HERPUD2: variants seen among roughly 807,000 people sequenced by gnomAD.
HERPUD2 encodes HERPUD family member 2, also known as homocysteine-responsive endoplasmic reticulum-resident ubiquitin-like domain member 2 protein.
Under a neutral mutation model 49.9 loss-of-function variants are expected in HERPUD2, and 13 were observed. The observed-to-expected ratio is 0.26, with a 90% CI of 0.17 to 0.41. The LOEUF (loss-of-function observed/expected upper bound fraction) is 0.41. Ranked by LOEUF, HERPUD2 falls within the 10% of genes least tolerant of loss-of-function variation. HERPUD2 has a pLI of 1.00. For missense variants in HERPUD2, 449 were observed against 492.2 expected (o/e 0.91, Z 0.83); for synonymous variants, 172 against 171.4 (o/e 1.00, Z -0.03).
At chr7:35,660,051 C>G (rs1785377662) in intron 5 of HERPUD2, among the ~76,000 whole-genome samples, 1 of 152,140 alleles carries the variant, frequency 6.6e-6, no homozygotes, top group African/African-American at 2.4e-5. Flanking sequence ...CAACAGGCCC[C>G]AGTGTGTGAT....
chr7:35,685,832 C>T (rs1246531465), intron 2 of HERPUD2, among the ~76,000 whole-genome samples: 1 of 151,866 alleles, frequency 6.6e-6, no homozygotes, highest in Non-Finnish European at 1.5e-5. Context: ...TACGTGGCAG[C>T]AGCAGGTGTG....
chr7:35,686,530 T>C lies in HERPUD2; in HGVS notation c.147+7654A>G, dbSNP rs1328209175. Among the ~76,000 whole-genome samples, 15 of 142,964 alleles carry C rather than the reference T, an allele frequency of 1.0e-4. 1 individual carries two copies. The highest frequency in any genetic ancestry group is 4.9e-4 in the Admixed American group (7 of 14,326). 93.8% of individuals were successfully genotyped at this position (142,964 alleles called of 152,430 possible). ...GATTAAAAACCCATTTCCACCCGGCTAAAACGGTGAAACCCCGTCTCTACT... is the reference window on the plus strand; with the variant it reads ...GATTAAAAACCCATTTCCACCCGGCCAAAACGGTGAAACCCCGTCTCTACT... On this transcript the variant is annotated intron_variant, in intron 2 of 8. Transcript: ENST00000311350.
chr7:35,649,984 T>A (rs917557002), intron 5 of HERPUD2, among the ~76,000 whole-genome samples: 1 of 151,908 alleles, frequency 6.6e-6, no homozygotes, highest in East Asian at 1.9e-4. Context: ...TCCACTCAGA[T>A]GGTTGGGGGA....
At chr7:35,652,403 T>G (rs1458235367) in intron 5 of HERPUD2, among the ~76,000 whole-genome samples, 3 of 152,170 alleles carry the variant, frequency 2.0e-5, no homozygotes, top group Non-Finnish European at 4.4e-5. Flanking sequence ...CAAAAAGGTC[T>G]TCTCCACAAC....
At position 35,673,235 on chromosome 7, in the gene HERPUD2, G is replaced by C. The variant is rs750343475; in HGVS notation, c.191C>G (p.Pro64Arg). The change falls in exon 3 of 9, where the codon CCC becomes CGC. Residue 64 changes from proline (P) to arginine (R), a missense_variant. By Grantham distance (103) the Pro-to-Arg change is moderately radical. Coordinates refer to ENST00000311350, the MANE Select transcript of HERPUD2 (RefSeq NM_022373.5). ...AATGTCTTTCAGCTGCAGATGATCG[G>C]GAAGCAGTCTGCCCGAATACACCAA... The part of the protein sequence containing the change: ...QRLVYSGRLL[P>R]DHLQLKDILR... 6.2e-7 allele frequency: 1 copy of C among 1,611,852 alleles called. No individual in the cohort carries two copies. The highest frequency in any genetic ancestry group is 8.5e-7 in the Non-Finnish European group (1 of 1,178,908).
chr7:35,655,279 C>T (rs1286184649), intron 5 of HERPUD2, among the ~76,000 whole-genome samples: 3 of 152,134 alleles, frequency 2.0e-5, no homozygotes, highest in Non-Finnish European at 4.4e-5. Flanking sequence ...ACAAAAACAA[C>T]AAAAAACTAC....
At chr7:35,670,424 C>A in intron 3 of HERPUD2, 96 bp from the exon 4 acceptor site, 7 of 452,488 alleles carry the variant, frequency 1.5e-5, no homozygotes, top group Non-Finnish European at 2.3e-5. Context: ...ACTTAGGTCC[C>A]TTTCGAGCCT....
At chr7:35,686,902 C>T (rs1166058400) in intron 2 of HERPUD2, among the ~76,000 whole-genome samples, 2 of 135,200 alleles carry the variant, frequency 1.5e-5, no homozygotes, top group Non-Finnish European at 3.1e-5. Flanking sequence ...CCCGTCTCTA[C>T]TGAAAATACA....
At chr7:35,645,094 C>T (rs373053718) in intron 5 of HERPUD2, among the ~76,000 whole-genome samples, 3 of 152,120 alleles carry the variant, frequency 2.0e-5, no homozygotes, top group African/African-American at 4.8e-5. Flanking sequence ...TGGTAGTTTG[C>T]TGATTGTTGA....
chr7:35,641,785 CT>C (rs1784971037), intron 5 of HERPUD2, among the ~76,000 whole-genome samples: 1 of 152,142 alleles, frequency 6.6e-6, no homozygotes, highest in African/African-American at 2.4e-5. Context: ...CTGGACCCAC[CT>C]TCCTTACATC....
At chr7:35,693,444 GA>G (rs953785991) in intron 2 of HERPUD2, among the ~76,000 whole-genome samples, 16 of 150,394 alleles carry the variant, frequency 1.1e-4, no homozygotes, top group South Asian at 2.1e-4. Flanking sequence ...TTATTTCTAA[GA>G]AAAAAAAATC....
At chr7:35,640,712 C>T (rs1276466659) in intron 5 of HERPUD2, among the ~76,000 whole-genome samples, 1 of 151,890 alleles carries the variant, frequency 6.6e-6, no homozygotes, top group Non-Finnish European at 1.5e-5. Flanking sequence ...GGATCTGATG[C>T]TAAATTATAA....
chr7:35,689,571 G>A (rs577316578), intron 2 of HERPUD2, among the ~76,000 whole-genome samples: 11 of 152,256 alleles, frequency 7.2e-5, no homozygotes, highest in African/African-American at 2.6e-4. Flanking sequence ...CTGATTGCAG[G>A]CAATTTGGTT....
chr7:35,633,802 C>T lies in HERPUD2; in HGVS notation c.1109G>A (p.Gly370Asp). 1.2e-6 allele frequency: 2 copies of T among 1,614,018 alleles called. No individual in the cohort carries two copies. The change falls in exon 9 of 9, where the codon GGT (glycine) becomes GAT (aspartate). Residue 370 changes from glycine (G) to aspartate (D), a missense_variant. Gly to Asp is a moderately conservative substitution (Grantham distance 94). Transcript: ENST00000311350. Reference sequence around the variant, plus strand: ...CCTTTGAATTGCACTGGCATCTTCACCTCCATCTTCTCCACTCTCATCTTC... The same window carrying T: ...CCTTTGAATTGCACTGGCATCTTCATCTCCATCTTCTCCACTCTCATCTTC... Reference protein sequence around the residue: ...GLEDESGEDGGEDASAIQRPG... With the variant: ...GLEDESGEDGDEDASAIQRPG...
chr7:35,690,441 C>G (rs528155969), intron 2 of HERPUD2, among the ~76,000 whole-genome samples: 2 of 152,354 alleles, frequency 1.3e-5, no homozygotes, highest in African/African-American at 2.4e-5. Flanking sequence ...GATCTATAAT[C>G]TTTTTACCTA....
chr7:35,662,505 G>C (rs1419678843), intron 5 of HERPUD2, among the ~76,000 whole-genome samples: 2 of 152,112 alleles, frequency 1.3e-5, no homozygotes, highest in African/African-American at 4.8e-5. Context: ...GTCTGGTCTT[G>C]GACTTTTTTT....
At chr7:35,659,955 T>C (rs1785375159) in intron 5 of HERPUD2, among the ~76,000 whole-genome samples, 2 of 152,082 alleles carry the variant, frequency 1.3e-5, no homozygotes, top group Admixed American at 6.6e-5. Context: ...TGTATACATG[T>C]GCCATGTTGG....
intron 2 of HERPUD2, among the ~76,000 whole-genome samples, chr7:35,682,355 G>GTATA (rs761127223): frequency 1.6e-4 from 5 of 30,376 alleles, no homozygotes; most frequent in African/African-American, 2.7e-4. Flanking sequence ...GTGTGTGTGT[G>GTATA]TGTATATATA....
intron 2 of HERPUD2, among the ~76,000 whole-genome samples, chr7:35,674,408 G>A (rs3857743): frequency 6.2e-5 from 1 of 16,212 alleles, no homozygotes; most frequent in Admixed American, 1.1e-3. Context: ...TATATATAGA[G>A]AGAGAGAGAG....
Sources: allele counts gnomAD v4.1 joint callset (sites outside exome capture counted in the v4.1 genomes callset), GRCh38; gene constraint gnomAD v4.1.1; transcripts MANE v1.5; gene names NCBI Gene and HGNC (gene_info 2026-07-23, HGNC 2026-07-21).